VASH2: variants seen among roughly 807,000 people sequenced by gnomAD.
The protein encoded by VASH2 is tubulinyl-Tyr carboxypeptidase 2.
In VASH2, 28 loss-of-function variants were observed where a neutral mutation model predicts 37.2. The observed-to-expected ratio is 0.75, with a 90% CI of 0.56 to 1.03. The LOEUF (loss-of-function observed/expected upper bound fraction) is 1.03, where lower values mean the gene tolerates loss of function less well. Among genes scored for constraint, VASH2 ranks in the 50% least tolerant of loss-of-function variants. VASH2 has a pLI of 0.00. For missense variants in VASH2, 419 were observed against 459.1 expected (o/e 0.91, Z 0.80); for synonymous variants, 188 against 174.7 (o/e 1.08, Z -0.60).
At position 212,951,581 on chromosome 1, in the gene VASH2, C is replaced by A; in HGVS notation, c.39C>A (p.His13Gln). ...CGGCCGACACTCACCGCTGCCCCCA[C>A]CCCAAAGGCGCCAAAGGCACCCGGT... is the stretch of plus-strand genomic sequence containing the variant. ...GSAADTHRCP[H>Q]PKGAKGTRSR... The change falls in exon 2 of 8, where the codon CAC (histidine) becomes CAA (glutamine). Residue 13 changes from histidine to glutamine, a missense_variant. By Grantham distance (24) the His-to-Gln change is conservative (BLOSUM62 0). Around this residue, in one of 3 missense-constraint regions of VASH2, gnomAD observed 158 missense variants for 163.0 expected, o/e 0.97. Coordinates refer to ENST00000517399, the MANE Select transcript of VASH2 (RefSeq NM_001301056.2). The surrounding 1 kb of genome is among the most constrained non-coding windows in gnomAD (Gnocchi z 4.4). The A allele has an allele frequency of 6.5e-7, 1 of 1,545,366 alleles. No homozygotes were observed. The highest frequency in any genetic ancestry group is 1.4e-5 in the African/African-American group (1 of 73,180).
At position 212,951,556 on chromosome 1, in the gene VASH2, C is replaced by T; in HGVS notation, c.14C>T (p.Ala5Val). The change falls in exon 2 of 8, where the codon GCG becomes GTG. Residue 5 changes from alanine (A) to valine (V), a missense_variant. Ala to Val is a moderately conservative substitution (Grantham distance 64, BLOSUM62 0). This residue lies in a region of VASH2 where 158 missense variants were observed against 163.0 expected (regional missense o/e 0.97). Coordinates refer to ENST00000517399, the MANE Select transcript of VASH2 (RefSeq NM_001301056.2). The surrounding 1 kb of genome is among the most constrained non-coding windows in gnomAD (Gnocchi z 4.4). ...CCAGGCCCCACCATGACCGGCTCCG[C>T]GGCCGACACTCACCGCTGCCCCCAC... MTGS[A>V]ADTHRCPHPK... 1 of 1,523,664 alleles carries T rather than the reference C, an allele frequency of 6.6e-7. No individual in the cohort carries two copies. Among genetic ancestry groups the T allele is most frequent in the Non-Finnish European group, 8.8e-7 (1 of 1,135,312 alleles). The allele number at this position is 1,523,664 out of a possible 1,614,324, so 94.4% of individuals were successfully genotyped here. A position where few individuals can be genotyped will look rare whatever the true frequency, so the allele number is the denominator to read the frequency against.
At chr1:212,953,626 T>C (rs989512154) in intron 2 of VASH2, among the ~76,000 whole-genome samples, 12 of 152,206 alleles carry the variant, frequency 7.9e-5, no homozygotes, top group African/African-American at 2.9e-4. Flanking sequence ...TTGTATGACA[T>C]CTAGCCTTGT....
chr1:212,974,012 C>G lies in VASH2; in HGVS notation c.937C>G (p.Leu313Val), dbSNP rs771934608. Residue 313 changes from leucine to valine, a missense_variant, in exon 7 of 8, where the codon CTG (leucine) becomes GTG (valine). Physicochemically the swap from Leu to Val is conservative, Grantham distance 32. Transcript: ENST00000517399. ...CCAAGTGAGAAGCCGGGGAAAATCC[C>G]TGTCCCCCAGAAGGAGACAGGCAAG... is the stretch of plus-strand genomic sequence containing the variant. The part of the protein sequence containing the change: ...PTQVRSRGKS[L>V]SPRRRQASPP... 3.7e-6 allele frequency: 6 copies of G among 1,613,890 alleles called. No individual in the cohort carries two copies. The Admixed American group carries it at 1.0e-4, about 27-fold the overall frequency.
Position 212,951,508 on chromosome 1 carries a change from GC to G in VASH2, c.-30del. 4.1e-6 allele frequency: 5 copies of G among 1,223,248 alleles called. No individual in the cohort carries two copies. The highest frequency in any genetic ancestry group is 5.1e-6 in the Non-Finnish European group (5 of 982,380). The allele number at this position is 1,223,248 out of a possible 1,614,324, so 75.8% of individuals were successfully genotyped here. A position where few individuals can be genotyped will look rare whatever the true frequency, so the allele number is the denominator to read the frequency against. Reference sequence around the variant, plus strand: ...GCCGCCGCCGCTGCCGCCGCCGCGCGCCCCCAGTACCTCGCTCCCCGCCCAG... The same window carrying G: ...GCCGCCGCCGCTGCCGCCGCCGCGCGCCCCAGTACCTCGCTCCCCGCCCAG... On this transcript the variant is annotated 5_prime_UTR_variant, in exon 2 of 8. Transcript: ENST00000517399. The surrounding 1 kb of genome is among the most constrained non-coding windows in gnomAD (Gnocchi z 4.4).
intron 5 of VASH2, chr1:212,968,740 C>T: frequency 1.0e-6 from 1 of 985,420 alleles, no homozygotes; most frequent in Non-Finnish European, 1.2e-6. Flanking sequence ...CACAGCTGTT[C>T]AGCGAAGCCT....
chr1:212,965,790 A>G lies in VASH2; in HGVS notation c.422+12A>G. 2 of 1,551,336 alleles carry G rather than the reference A, an allele frequency of 1.3e-6. No homozygotes were observed. The highest frequency in any genetic ancestry group is 1.7e-6 in the Non-Finnish European group (2 of 1,146,230). ...AGACCGCTGAGTGGGTAAGTGGTGC[A>G]TGATCTATGGGCCAGATGACCTCTC... On this transcript the variant is annotated intron_variant, in intron 4 of 7. Coordinates refer to ENST00000517399, the MANE Select transcript of VASH2 (RefSeq NM_001301056.2).
chr1:212,990,724 C>T lies in VASH2; in HGVS notation c.*2140C>T, dbSNP rs992789231. The T allele has an allele frequency of 6.6e-6, 1 of 152,152 alleles. No individual in the cohort carries two copies. The highest frequency in any genetic ancestry group is 1.5e-5 in the Non-Finnish European group (1 of 68,028). 9.4% of individuals were successfully genotyped at this position (152,152 alleles called of 1,614,324 possible). A position where few individuals can be genotyped will look rare whatever the true frequency, so the allele number is the denominator to read the frequency against. On this transcript the variant is annotated 3_prime_UTR_variant, in exon 8 of 8. Coordinates refer to ENST00000517399, the MANE Select transcript of VASH2 (RefSeq NM_001301056.2). ...TGGTTCAATTAGTAAGCTAATTTCTCCCACACCCGCTCCTTGATTTTTAGA... is the reference window on the plus strand; with the variant it reads ...TGGTTCAATTAGTAAGCTAATTTCTTCCACACCCGCTCCTTGATTTTTAGA...
rs190621513 is a variant in VASH2 at position 212,987,660 on chromosome 1, T to C, written c.996-852T>C. On this transcript the variant is annotated intron_variant, in intron 7 of 7. Coordinates refer to ENST00000517399, the MANE Select transcript of VASH2 (RefSeq NM_001301056.2). ...TCTTGCAAAAATGGATGTGAAACTT[T>C]TGAATTAGAACTCACTAGCCATACT... Among the ~76,000 whole-genome samples the C allele has an allele frequency of 3.0e-3, 453 of 152,304 alleles. 2 individuals are homozygous for C. The highest frequency in any genetic ancestry group is 0.011 in the African/African-American group (439 of 41,576).
At chr1:212,979,676 A>C (rs1299532258) in intron 7 of VASH2, among the ~76,000 whole-genome samples, 1 of 152,000 alleles carries the variant, frequency 6.6e-6, no homozygotes, top group East Asian at 1.9e-4. Flanking sequence ...GCCGAGGGGG[A>C]GGGCAGGTGA....
chr1:212,980,137 C>G (rs948279542), intron 7 of VASH2, among the ~76,000 whole-genome samples: 1 of 152,214 alleles, frequency 6.6e-6, no homozygotes, highest in African/African-American at 2.4e-5. Flanking sequence ...ACCGTTCCAC[C>G]TCAAATGCCA....
chr1:212,951,910 T>C lies in VASH2; in HGVS notation c.276+92T>C. The C allele has an allele frequency of 1.4e-6, 2 of 1,397,452 alleles. No individual in the cohort carries two copies. Among genetic ancestry groups the C allele is most frequent in the Non-Finnish European group, 9.6e-7 (1 of 1,039,386 alleles). 86.6% of individuals were successfully genotyped at this position (1,397,452 alleles called of 1,614,324 possible). A position where few individuals can be genotyped will look rare whatever the true frequency, so the allele number is the denominator to read the frequency against. ...CTATACATAGCAAACACAGGCAATC[T>C]CCATTTTCCTAGTCCTGCTACAAAC... On this transcript the variant is annotated intron_variant, in intron 2 of 7. Transcript: ENST00000517399. The surrounding 1 kb of genome is among the most constrained non-coding windows in gnomAD (Gnocchi z 4.4).
rs1666304921 is a variant in VASH2 at position 212,951,531 on chromosome 1, C to A, written c.-12C>A. 1 of 1,470,186 alleles carries A rather than the reference C, an allele frequency of 6.8e-7. No individual in the cohort carries two copies. Among genetic ancestry groups the A allele is most frequent in the Non-Finnish European group, 9.0e-7 (1 of 1,109,574 alleles). 91.1% of individuals were successfully genotyped at this position (1,470,186 alleles called of 1,614,324 possible). On this transcript the variant is annotated 5_prime_UTR_variant, in exon 2 of 8. Coordinates refer to ENST00000517399, the MANE Select transcript of VASH2 (RefSeq NM_001301056.2). This position sits in a 1 kb window ranked among gnomAD's most constrained non-coding sequence, Gnocchi z 4.4. ...GCGCCCCCAGTACCTCGCTCCCCGCCCAGGCCCCACCATGACCGGCTCCGC... is the reference window on the plus strand; with the variant it reads ...GCGCCCCCAGTACCTCGCTCCCCGCACAGGCCCCACCATGACCGGCTCCGC...
chr1:212,983,348 G>A (rs1025656082), intron 7 of VASH2, among the ~76,000 whole-genome samples: 1 of 152,186 alleles, frequency 6.6e-6, no homozygotes, highest in Non-Finnish European at 1.5e-5. Context: ...AGATCAAGTG[G>A]CTGACATCTG....
intron 2 of VASH2, among the ~76,000 whole-genome samples, chr1:212,955,002 A>G (rs1011416316): frequency 6.6e-6 from 1 of 152,090 alleles, no homozygotes; most frequent in Non-Finnish European, 1.5e-5. Context: ...TCCCTTTTCC[A>G]GGGGCCACTC....
chr1:212,959,447 TCACACA>T (rs60920030), intron 2 of VASH2, among the ~76,000 whole-genome samples: 31,505 of 150,800 alleles, frequency 0.21, 7,594 homozygotes, highest in African/African-American at 0.59. Context: ...ACACGCACAT[TCACACA>T]CACACACACA....
chr1:212,956,742 G>C lies in VASH2; in HGVS notation c.277-4424G>C, dbSNP rs184060327. Reference sequence around the variant, plus strand: ...GGTGAAAAATGACATTTTGCAGTGGGTTTAATTTGCATTTCTTATATTATT... The same window carrying C: ...GGTGAAAAATGACATTTTGCAGTGGCTTTAATTTGCATTTCTTATATTATT... On this transcript the variant is annotated intron_variant, in intron 2 of 7. Coordinates refer to ENST00000517399, the MANE Select transcript of VASH2 (RefSeq NM_001301056.2). Among the ~76,000 whole-genome samples the C allele has an allele frequency of 1.2e-4, 19 of 152,248 alleles. No homozygotes were observed. The East Asian group carries it at 3.7e-3, about 29-fold the overall frequency.
At chr1:212,953,375 A>G (rs976673753) in intron 2 of VASH2, among the ~76,000 whole-genome samples, 11 of 152,186 alleles carry the variant, frequency 7.2e-5, no homozygotes, top group Non-Finnish European at 1.3e-4. Flanking sequence ...AGCTGATCTT[A>G]GGCCTGGCCA....
At chr1:212,957,837 T>C (rs1309673021) in intron 2 of VASH2, among the ~76,000 whole-genome samples, 1 of 152,116 alleles carries the variant, frequency 6.6e-6, no homozygotes, top group Non-Finnish European at 1.5e-5. Context: ...CAACCTCAAG[T>C]GATCCACTCA....
Position 212,991,104 on chromosome 1 carries a change from CAG to C in VASH2, c.*2522_*2523del, listed in dbSNP as rs1260152771. On this transcript the variant is annotated 3_prime_UTR_variant, in exon 8 of 8. Coordinates refer to ENST00000517399, the MANE Select transcript of VASH2 (RefSeq NM_001301056.2). Reference sequence around the variant, plus strand: ...ATATATGCAAAGTTTAAATGAATGACAGAAATCTTGATTTTAGACTGTATGTT... The same window carrying C: ...ATATATGCAAAGTTTAAATGAATGACAAATCTTGATTTTAGACTGTATGTT... 3 of 152,156 alleles carry C rather than the reference CAG, an allele frequency of 2.0e-5. No homozygotes were observed. Among genetic ancestry groups the C allele is most frequent in the Non-Finnish European group, 4.4e-5 (3 of 68,014 alleles). The allele number at this position is 152,156 out of a possible 1,614,324, so 9.4% of individuals were successfully genotyped here. A position where few individuals can be genotyped will look rare whatever the true frequency, so the allele number is the denominator to read the frequency against.
Sources: allele counts gnomAD v4.1 joint callset (sites outside exome capture counted in the v4.1 genomes callset), GRCh38; gene constraint gnomAD v4.1.1; regional missense constraint gnomAD v4.1.1; non-coding constraint Gnocchi (gnomAD v3.1); transcripts MANE v1.5; gene names NCBI Gene and HGNC (gene_info 2026-07-23, HGNC 2026-07-21).